The following DCC variants were observed in gnomAD, a reference collection of about 807,000 sequenced individuals.
The protein encoded by DCC is DCC netrin 1 receptor.
In DCC, 58 loss-of-function variants were observed where a neutral mutation model predicts 172.5. The ratio of observed to expected loss-of-function variants is 0.34; its 90% CI spans 0.27 to 0.42. DCC has a LOEUF of 0.42. DCC is among the 10% of genes least tolerant of loss of function. The pLI is 1.00. For missense variants in DCC, 1,740 were observed against 1,791.0 expected, an observed-to-expected ratio of 0.97 and a Z score of 0.51; for synonymous variants, 709 against 644.5, an observed-to-expected ratio of 1.10 and a Z score of -1.52.
At chr18:53,264,330 T>C (rs2056642419) in intron 12 of DCC, among the ~76,000 whole-genome samples, 1 of 151,814 alleles carries the variant, frequency 6.6e-6, no homozygotes, top group Non-Finnish European at 1.5e-5. Flanking sequence ...CCATTAAAAA[T>C]GCAAAAATTA....
chr18:52,731,405 G>C (rs1291990377), intron 1 of DCC, among the ~76,000 whole-genome samples: 4 of 152,204 alleles, frequency 2.6e-5, no homozygotes, highest in African/African-American at 7.2e-5. Flanking sequence ...CTGTTGCAAG[G>C]CTGTCTTTCA....
At chr18:53,390,539 G>A (rs1908482188) in intron 16 of DCC, among the ~76,000 whole-genome samples, 1 of 152,072 alleles carries the variant, frequency 6.6e-6, no homozygotes, top group Admixed American at 6.6e-5. Flanking sequence ...CCCAGCCTGA[G>A]AGTTATATTA....
intron 2 of DCC, among the ~76,000 whole-genome samples, chr18:52,773,717 C>T (rs937966951): frequency 2.0e-5 from 3 of 152,058 alleles, no homozygotes; most frequent in East Asian, 3.9e-4. Context: ...TTAGTAGAGA[C>T]GGGGTTTCGC....
Position 53,351,640 on chromosome 18 carries a change from C to T in DCC, c.2359+11733C>T, listed in dbSNP as rs74430356. Among the ~76,000 whole-genome samples the T allele has an allele frequency of 7.9e-3, 1,192 of 149,972 alleles. 16 individuals are homozygous for T. Among genetic ancestry groups the T allele is most frequent in the African/African-American group, 0.027 (1,111 of 40,978 alleles). On this transcript the variant is annotated intron_variant, in intron 15 of 28. Coordinates refer to ENST00000442544, the MANE Select transcript of DCC (RefSeq NM_005215.4). ...CTGAGTTGTTATTTGTAAAACAAAC[C>T]GGTGAAGTATTATGTAGGTCATTCA...
intron 5 of DCC, among the ~76,000 whole-genome samples, chr18:53,030,086 C>T (rs1568255915): frequency 6.6e-6 from 1 of 152,156 alleles, no homozygotes; most frequent in Non-Finnish European, 1.5e-5. Flanking sequence ...CCTTTTCTTC[C>T]TCAACCCTCC....
intron 1 of DCC, among the ~76,000 whole-genome samples, chr18:52,680,695 A>G (rs1221696839): frequency 6.6e-6 from 1 of 152,124 alleles, no homozygotes; most frequent in African/African-American, 2.4e-5. Context: ...TGAATGAGTG[A>G]GTAGACTTGC....
chr18:53,092,408 A>T (rs4433873), intron 7 of DCC, among the ~76,000 whole-genome samples: 15,475 of 152,188 alleles, frequency 0.1, 1,199 homozygotes, highest in East Asian at 0.36. Context: ...ATAATAAATT[A>T]ATAGAGGAAT....
At chr18:52,739,291 T>C (rs2036778856) in intron 1 of DCC, among the ~76,000 whole-genome samples, 1 of 152,150 alleles carries the variant, frequency 6.6e-6, no homozygotes, top group African/African-American at 2.4e-5. Flanking sequence ...TTTAAACATA[T>C]GTTATGATTT....
At chr18:52,506,806 T>A (rs2144638622) in intron 1 of DCC, among the ~76,000 whole-genome samples, 1 of 152,278 alleles carries the variant, frequency 6.6e-6, no homozygotes, top group South Asian at 2.1e-4. Context: ...ATATAATTAT[T>A]TCTTCATTTC....
intron 7 of DCC, among the ~76,000 whole-genome samples, chr18:53,073,349 C>T (rs2042680905): frequency 6.6e-6 from 1 of 151,980 alleles, no homozygotes; most frequent in South Asian, 2.1e-4. Flanking sequence ...CACGGTGAAA[C>T]CTCATCTCTA....
In DCC at chr18:53,440,490, T is replaced by C. The variant is rs543277257; in HGVS notation, c.3229+5281T>C. ...AAAGAAGCAGTTTGCTCTCTATTTT[T>C]GCAAACCTGTTTTTTTTTTTTTAGA... On this transcript the variant is annotated intron_variant, in intron 22 of 28. Coordinates refer to ENST00000442544, the MANE Select transcript of DCC (RefSeq NM_005215.4). Among the ~76,000 whole-genome samples, 7 of 129,544 alleles carry C rather than the reference T, an allele frequency of 5.4e-5. No individual in the cohort carries two copies. The East Asian group carries it at 1.1e-3, about 20-fold the overall frequency. 85.0% of individuals were successfully genotyped at this position (129,544 alleles called of 152,430 possible).
At chr18:52,756,047 C>G (rs948234891) in intron 2 of DCC, among the ~76,000 whole-genome samples, 1 of 152,198 alleles carries the variant, frequency 6.6e-6, no homozygotes, top group Admixed American at 6.5e-5. Flanking sequence ...GCTACTGACT[C>G]TCAGTATTTC....
At chr18:53,173,148 G>C (rs1185103128) in intron 8 of DCC, among the ~76,000 whole-genome samples, 1 of 152,056 alleles carries the variant, frequency 6.6e-6, no homozygotes, top group African/African-American at 2.4e-5. Context: ...TGACCTAAAT[G>C]ATCTTAGTTT....
intron 1 of DCC, among the ~76,000 whole-genome samples, chr18:52,474,208 G>GAGAGAGAGAC (rs745908275): frequency 0.15 from 5,248 of 34,768 alleles, 139 homozygotes; most frequent in Middle Eastern, 0.37. Flanking sequence ...AACAGACCTA[G>GAGAGAGAGAC]AGAGAGAGAG....
intron 5 of DCC, among the ~76,000 whole-genome samples, chr18:52,929,605 A>G (rs1287345828): frequency 1.3e-5 from 2 of 152,120 alleles, no homozygotes; most frequent in East Asian, 3.9e-4. Flanking sequence ...GCAGGTGAAA[A>G]GTGTACTCAA....
chr18:53,188,161 T>C (rs1214130340), intron 9 of DCC, among the ~76,000 whole-genome samples: 1 of 152,146 alleles, frequency 6.6e-6, no homozygotes, highest in African/African-American at 2.4e-5. Context: ...TTTAAGATAG[T>C]AGATTCCAAC....
chr18:53,057,347 A>C (rs993076771), intron 5 of DCC, among the ~76,000 whole-genome samples: 1 of 152,104 alleles, frequency 6.6e-6, no homozygotes, highest in African/African-American at 2.4e-5. Flanking sequence ...AACTCTTAAC[A>C]ATTGCAGTCT....
intron 2 of DCC, among the ~76,000 whole-genome samples, chr18:52,870,005 AC>A (rs1433969210): frequency 6.6e-6 from 1 of 151,600 alleles, no homozygotes; most frequent in African/African-American, 2.4e-5. Context: ...CCAGGTCCTC[AC>A]TGGGCCCCTT....
intron 1 of DCC, among the ~76,000 whole-genome samples, chr18:52,648,045 G>A (rs751605020): frequency 9.9e-5 from 15 of 152,200 alleles, no homozygotes; most frequent in Admixed American, 7.2e-4. Context: ...GAGTAGGAAC[G>A]AGATGTTCAA....
Sources: gnomAD v4.1 joint callset for allele counts (sites outside exome capture counted in the v4.1 genomes callset) on GRCh38, gnomAD v4.1.1 for gene constraint, MANE v1.5 for transcripts, NCBI Gene and HGNC (gene_info 2026-07-23, HGNC 2026-07-21) for gene names.